The following ZNRF3 variants were observed in gnomAD, a reference collection of about 807,000 sequenced individuals.
ZNRF3 encodes zinc and ring finger 3.
In ZNRF3, 23 loss-of-function variants were observed where a neutral mutation model predicts 72.5. The observed-to-expected ratio is 0.32, with a 90% confidence interval of 0.23 to 0.45. ZNRF3 has a LOEUF of 0.45. ZNRF3 is among the 20% of genes least tolerant of loss of function. ZNRF3 has a pLI of 1.00. For synonymous variants in ZNRF3, 610 were observed against 545.3 expected, an observed-to-expected ratio of 1.12 and a Z score of -1.65; for missense variants, 1,169 against 1,272.1, an observed-to-expected ratio of 0.92 and a Z score of 1.23.
intron 1 of ZNRF3, among the ~76,000 whole-genome samples, chr22:28,959,304 A>G (rs535714154): frequency 6.6e-6 from 1 of 152,304 alleles, no homozygotes; most frequent in African/African-American, 2.4e-5. Context: ...ATGACTGCCC[A>G]TTAGCTGCTG....
At chr22:28,944,162 A>T (rs1161657127) in intron 1 of ZNRF3, among the ~76,000 whole-genome samples, 1 of 152,188 alleles carries the variant, frequency 6.6e-6, no homozygotes, top group East Asian at 1.9e-4. Context: ...GTAGCAGTAC[A>T]ATGTATCAAG....
At chr22:29,004,214 A>C (rs2123846112) in intron 2 of ZNRF3, among the ~76,000 whole-genome samples, 1 of 152,328 alleles carries the variant, frequency 6.6e-6, no homozygotes, top group East Asian at 1.9e-4. Context: ...ACGCCATTTG[A>C]CTTTGATTCA....
In ZNRF3 at chr22:28,994,176, C is replaced by CTTTTTTTTTTTTTTTTTTTTTT. The variant is rs57329565; in HGVS notation, c.426+6981_426+7002dup. Among the ~76,000 whole-genome samples, 113 of 39,802 alleles carry CTTTTTTTTTTTTTTTTTTTTTT rather than the reference C, an allele frequency of 2.8e-3. 5 individuals carry two copies. The highest frequency in any genetic ancestry group is 3.8e-3 in the Non-Finnish European group (87 of 22,950). 26.1% of individuals were successfully genotyped at this position (39,802 alleles called of 152,430 possible). A position where few individuals can be genotyped will look rare whatever the true frequency, so the allele number is the denominator to read the frequency against. ...TCCTTTATTGTCCTTCAGTTCCTTTCTTTTTTTTTTTTTTTTTTTTTTTTT... is the reference window on the plus strand; with the variant it reads ...TCCTTTATTGTCCTTCAGTTCCTTTCTTTTTTTTTTTTTTTTTTTTTTTTTTTTTTTTTTTTTTTTTTTTTTT... On this transcript the variant is annotated intron_variant, in intron 2 of 8. Coordinates refer to ENST00000544604, the MANE Select transcript of ZNRF3 (RefSeq NM_001206998.2).
intron 1 of ZNRF3, among the ~76,000 whole-genome samples, chr22:28,948,606 T>A (rs1335741022): frequency 6.6e-6 from 1 of 152,242 alleles, no homozygotes; most frequent in African/African-American, 2.4e-5. Context: ...GCAATATGCT[T>A]TGGTTGAAGT....
chr22:28,990,811 A>G (rs1223654641), intron 2 of ZNRF3, among the ~76,000 whole-genome samples: 3 of 152,270 alleles, frequency 2.0e-5, no homozygotes, highest in Non-Finnish European at 4.4e-5. Flanking sequence ...TTATAGAGCT[A>G]AGAATTTTGA....
chr22:28,985,860 G>T (rs914702077), intron 1 of ZNRF3, among the ~76,000 whole-genome samples: 1 of 152,248 alleles, frequency 6.6e-6, no homozygotes, highest in African/African-American at 2.4e-5. Context: ...GAGGTCAGAA[G>T]TCCCAAACAG....
intron 3 of ZNRF3, 122 bp from the exon 4 acceptor site, chr22:29,043,177 T>C (rs916554325): frequency 1.8e-4 from 203 of 1,138,326 alleles, no homozygotes; most frequent in Non-Finnish European, 2.3e-4. Flanking sequence ...AAGGCTGTAA[T>C]GTTGGAAGAG....
At chr22:28,889,812 A>G (rs2033853372) in intron 1 of ZNRF3, among the ~76,000 whole-genome samples, 1 of 152,220 alleles carries the variant, frequency 6.6e-6, no homozygotes, top group Non-Finnish European at 1.5e-5. Flanking sequence ...AGCAGAGTAT[A>G]GTTCCGTTTC....
intron 1 of ZNRF3, among the ~76,000 whole-genome samples, chr22:28,948,405 A>G (rs571655439): frequency 6.6e-6 from 1 of 152,114 alleles, no homozygotes; most frequent in South Asian, 2.1e-4. Flanking sequence ...GCTTCAAGTG[A>G]TCCTCCCACC....
intron 1 of ZNRF3, among the ~76,000 whole-genome samples, chr22:28,972,367 T>C (rs983535813): frequency 2.0e-5 from 3 of 152,240 alleles, no homozygotes; most frequent in Non-Finnish European, 2.9e-5. Flanking sequence ...TCATATAAGA[T>C]GTGGACTTTT....
intron 1 of ZNRF3, among the ~76,000 whole-genome samples, chr22:28,928,704 G>A (rs132553): frequency 0.31 from 47,108 of 151,272 alleles, 9,535 homozygotes; most frequent in Non-Finnish European, 0.46. Context: ...CACCGTGTTA[G>A]CCAGGGTGGT....
At chr22:28,929,073 C>T (rs1035503435) in intron 1 of ZNRF3, among the ~76,000 whole-genome samples, 2 of 152,202 alleles carry the variant, frequency 1.3e-5, no homozygotes, top group Non-Finnish European at 2.9e-5. Context: ...GAACACTGAT[C>T]AAGACTGTGG....
Position 29,050,631 on chromosome 22 carries a change from G to A in ZNRF3, c.2450G>A (p.Gly817Asp). 4 of 1,611,476 alleles carry A rather than the reference G, an allele frequency of 2.5e-6. No homozygotes were observed. The highest frequency in any genetic ancestry group is 3.4e-6 in the Non-Finnish European group (4 of 1,179,302). The change falls in exon 8 of 9, where the codon GGC (glycine) becomes GAC (aspartate). Residue 817 changes from glycine to aspartate, a missense_variant. Around this residue, in one of 2 missense-constraint regions of ZNRF3, gnomAD observed 783 missense variants for 731.4 expected, o/e 1.07. Coordinates refer to ENST00000544604, the MANE Select transcript of ZNRF3 (RefSeq NM_001206998.2). The part of the protein sequence containing the change: ...QYTLTEEPPP[G>D]CYPGARDLSQ... ...ACGCTCACCGAGGAACCACCGCCCG[G>A]CTGCTACCCCGGGGCCCGGGACCTG...
intron 1 of ZNRF3, among the ~76,000 whole-genome samples, chr22:28,979,143 T>C (rs1689471645): frequency 6.6e-6 from 1 of 152,204 alleles, no homozygotes; most frequent in Non-Finnish European, 1.5e-5. Flanking sequence ...CTCATCCTTC[T>C]GGCCCCATCT....
chr22:28,891,135 A>G (rs1376874096), intron 1 of ZNRF3, among the ~76,000 whole-genome samples: 3 of 152,224 alleles, frequency 2.0e-5, no homozygotes, highest in African/African-American at 7.2e-5. Context: ...GTAAATCTTC[A>G]TAATCAAAAG....
chr22:28,964,885 GCTGT>G (rs1244839475), intron 1 of ZNRF3, among the ~76,000 whole-genome samples: 1 of 152,212 alleles, frequency 6.6e-6, no homozygotes, highest in Non-Finnish European at 1.5e-5. Context: ...TCTTTCTTTT[GCTGT>G]CTATGTAAGT....
At chr22:28,971,470 T>G (rs2035573863) in intron 1 of ZNRF3, among the ~76,000 whole-genome samples, 1 of 152,206 alleles carries the variant, frequency 6.6e-6, no homozygotes, top group Non-Finnish European at 1.5e-5. Flanking sequence ...CAATGCCCTT[T>G]TAAGACAGCT....
chr22:28,884,126 C>G (rs1445269511), intron 1 of ZNRF3, 60 bp downstream of exon 1: 1 of 1,051,448 alleles, frequency 9.5e-7, no homozygotes, highest in Non-Finnish European at 1.1e-6. Context: ...CCGGGGGCTG[C>G]GCCCGCCGAC....
chr22:28,970,721 A>C (rs1456359727), intron 1 of ZNRF3, among the ~76,000 whole-genome samples: 1 of 152,234 alleles, frequency 6.6e-6, no homozygotes, highest in Non-Finnish European at 1.5e-5. Context: ...CATAATGCTG[A>C]ATCAAAGGAT....
Sources: gnomAD v4.1 joint callset for allele counts (sites outside exome capture counted in the v4.1 genomes callset) on GRCh38, gnomAD v4.1.1 for gene constraint, gnomAD v4.1.1 regional missense constraint, MANE v1.5 for transcripts, NCBI Gene and HGNC (gene_info 2026-07-23, HGNC 2026-07-21) for gene names.